Variants in NOLC1 observed in about 807,000 individuals in gnomAD.
NOLC1 encodes the protein nucleolar and coiled-body phosphoprotein 1, also known as 140 kDa nucleolar phosphoprotein.
In NOLC1, 37 loss-of-function variants were observed where a neutral mutation model predicts 73.4. That is an observed-to-expected ratio of 0.50 (90% CI 0.39 to 0.66). The LOEUF (loss-of-function observed/expected upper bound fraction) is 0.66. Ranked by LOEUF, NOLC1 falls within the 30% of genes least tolerant of loss-of-function variation. The pLI is 0.00. For missense variants in NOLC1, 921 were observed against 838.9 expected (o/e 1.10, Z -1.21); for synonymous variants, 327 against 302.6 (o/e 1.08, Z -0.84).
rs2069744698 is a variant in NOLC1, at chr10:102,163,367, T to C, written c.*1098T>C. The C allele has an allele frequency of 6.6e-6, 1 of 152,346 alleles. No homozygotes were observed. Among genetic ancestry groups the C allele is most frequent in the East Asian group, 1.9e-4 (1 of 5,194 alleles). 9.4% of individuals were successfully genotyped at this position (152,346 alleles called of 1,614,324 possible). A position where few individuals can be genotyped will look rare whatever the true frequency, so the allele number is the denominator to read the frequency against. ...GTTGGAAAGAACCTTACAGAGCATA[T>C]TACCTGATAAACTGGAGTGGGTTTG... is the stretch of plus-strand genomic sequence containing the variant. On this transcript the variant is annotated 3_prime_UTR_variant, in exon 13 of 13. Coordinates refer to ENST00000605788, the MANE Select transcript of NOLC1 (RefSeq NM_004741.5).
intron 1 of NOLC1, among the ~76,000 whole-genome samples, chr10:102,153,859 G>A (rs1236822123): frequency 6.6e-6 from 1 of 151,824 alleles, no homozygotes; most frequent in African/African-American, 2.4e-5. Context: ...TTTTAGTAGA[G>A]ATGAGGTTTC....
chr10:102,159,390 G>A, intron 6 of NOLC1, 43 bp from the exon 7 acceptor site: 1 of 1,613,636 alleles, frequency 6.2e-7, no homozygotes, highest in Admixed American at 1.7e-5. Context: ...GGATTGGTTG[G>A]GTCAGCATTT....
At position 102,160,616 on chromosome 10, in the gene NOLC1, G is replaced by T; in HGVS notation, c.1264G>T (p.Asp422Tyr). The part of the protein sequence containing the change: ...GGQKLLTRKA[D>Y]SSSSEEESSS... ...CCAGAAGCTTCTGACGAGAAAGGCT[G>T]ACAGCAGCTCCAGTGAGGAAGAGAG... Residue 422 changes from aspartate (D) to tyrosine (Y), a missense_variant, in exon 10 of 13, where the codon GAC becomes TAC. Transcript: ENST00000605788. 1 of 1,614,230 alleles carries T rather than the reference G, an allele frequency of 6.2e-7. No individual in the cohort carries two copies. The highest frequency in any genetic ancestry group is 8.5e-7 in the Non-Finnish European group (1 of 1,180,040).
chr10:102,157,502 G>A lies in NOLC1; in HGVS notation c.388G>A (p.Glu130Lys). Reference sequence around the variant, plus strand: ...CAAAGCATCAGAGAGTAGCAGCAGTGAAGAGTCCAGTGATGATGATGATGA... The same window carrying A: ...CAAAGCATCAGAGAGTAGCAGCAGTAAAGAGTCCAGTGATGATGATGATGA... The part of the protein sequence containing the change: ...AAKASESSSS[E>K]ESSDDDDEED... The change falls in exon 4 of 13, where the codon GAA becomes AAA. Residue 130 changes from glutamate (E) to lysine (K), a missense_variant. Glu to Lys is a moderately conservative substitution (Grantham distance 56). Transcript: ENST00000605788. 1.2e-6 allele frequency: 2 copies of A among 1,614,170 alleles called. No individual in the cohort carries two copies. The highest frequency in any genetic ancestry group is 2.2e-5 in the East Asian group (1 of 44,888).
chr10:102,156,555 A>G (rs999648668), intron 1 of NOLC1, among the ~76,000 whole-genome samples: 1 of 151,726 alleles, frequency 6.6e-6, no homozygotes, highest in Non-Finnish European at 1.5e-5. Flanking sequence ...CTCCTGCTTC[A>G]GCCTCCCAAG....
Position 102,160,615 on chromosome 10 carries a change from TG to T in NOLC1, c.1264del (p.Asp422ThrfsTer76). 6.2e-7 allele frequency: 1 copy of T among 1,614,158 alleles called. No homozygotes were observed. The stretch of plus-strand genomic sequence containing the variant: ...GCCAGAAGCTTCTGACGAGAAAGGC[TG>T]ACAGCAGCTCCAGTGAGGAAGAGAG... ...GGQKLLTRKA[D>X]SSSSEEESSS... On this transcript the variant is annotated frameshift_variant, in exon 10 of 13. Transcript: ENST00000605788. LOFTEE classifies it high-confidence loss of function.
At chr10:102,155,318 A>G (rs1462351543) in intron 1 of NOLC1, among the ~76,000 whole-genome samples, 2 of 151,478 alleles carry the variant, frequency 1.3e-5, no homozygotes, top group Non-Finnish European at 2.9e-5. Context: ...TAGCCACCAC[A>G]GGCCAAGCAA....
Position 102,160,536 on chromosome 10 carries a change from C to G in NOLC1, c.1184C>G (p.Thr395Ser). 1 of 1,614,196 alleles carries G rather than the reference C, an allele frequency of 6.2e-7. No homozygotes were observed. The highest frequency in any genetic ancestry group is 8.5e-7 in the Non-Finnish European group (1 of 1,180,036). ...KNSSNKPAVTTKSPAVKPAAA... is the reference protein window; with the variant it reads ...KNSSNKPAVTSKSPAVKPAAA... ...TCTTCAAATAAGCCAGCTGTCACCA[C>G]CAAGTCACCTGCAGTGAAGCCAGCT... Residue 395 changes from threonine (T) to serine (S), a missense_variant, in exon 10 of 13, where the codon ACC (threonine) becomes AGC (serine). Physicochemically the swap from Thr to Ser is moderately conservative, Grantham distance 58. Coordinates refer to ENST00000605788, the MANE Select transcript of NOLC1 (RefSeq NM_004741.5).
intron 9 of NOLC1, 28 bp downstream of exon 9, chr10:102,160,371 G>C: frequency 6.2e-7 from 1 of 1,613,278 alleles, no homozygotes; most frequent in Non-Finnish European, 8.5e-7. Context: ...CCTCAGTTCA[G>C]TGAGATGCTC....
In NOLC1 at chr10:102,162,399, C is replaced by CCTG; in HGVS notation, c.*130_*131insCTG. On this transcript the variant is annotated 3_prime_UTR_variant, in exon 13 of 13. Transcript: ENST00000605788. ...CAGAAGTTTAGAGTAGGTCCTAAGACTTTACAGTGTAACATCCTCTCTGGT... is the reference window on the plus strand; with the variant it reads ...CAGAAGTTTAGAGTAGGTCCTAAGACCTGTTTACAGTGTAACATCCTCTCTGGT... The CCTG allele has an allele frequency of 1.1e-6, 1 of 913,948 alleles. No homozygotes were observed. Among genetic ancestry groups the CCTG allele is most frequent in the South Asian group, 1.7e-5 (1 of 57,974 alleles). The allele number at this position is 913,948 out of a possible 1,614,324, so 56.6% of individuals were successfully genotyped here.
chr10:102,160,963 C>T lies in NOLC1; in HGVS notation c.1611C>T (p.Gly537=), dbSNP rs895681144. 4 of 1,614,124 alleles carry T rather than the reference C, an allele frequency of 2.5e-6. No individual in the cohort carries two copies. The highest frequency in any genetic ancestry group is 3.4e-6 in the Non-Finnish European group (4 of 1,180,018). Residue 537 remains glycine (G), a synonymous_variant, in exon 10 of 13, where the codon GGC becomes GGT. Coordinates refer to ENST00000605788, the MANE Select transcript of NOLC1 (RefSeq NM_004741.5). ...EEEEEKLKGK[G]SPRPQAPKAN... ...AGGAAGAGAAGCTCAAGGGCAAGGG[C>T]TCTCCAAGACCACAAGCCCCCAAGG...
At position 102,163,599 on chromosome 10, in the gene NOLC1, G is replaced by C. The variant is rs936236636; in HGVS notation, c.*1330G>C. 6.6e-6 allele frequency: 1 copy of C among 152,216 alleles called. No homozygotes were observed. The highest frequency in any genetic ancestry group is 1.5e-5 in the Non-Finnish European group (1 of 68,042). 9.4% of individuals were successfully genotyped at this position (152,216 alleles called of 1,614,324 possible). A position where few individuals can be genotyped will look rare whatever the true frequency, so the allele number is the denominator to read the frequency against. ...AGCGGTACTCAGCCAGACCAAGACG[G>C]AGAGGGAAGAGTCCACAGCTTTCTG... On this transcript the variant is annotated 3_prime_UTR_variant, in exon 13 of 13. Transcript: ENST00000605788.
At chr10:102,160,098 C>T in intron 8 of NOLC1, 74 bp downstream of exon 8, 2 of 1,588,164 alleles carry the variant, frequency 1.3e-6, no homozygotes, top group Non-Finnish European at 8.6e-7. Context: ...AGAGAGAAAG[C>T]CTTCCATCCT....
chr10:102,159,095 TG>T (rs2069652653), intron 5 of NOLC1, 97 bp from the exon 6 acceptor site: 4 of 484,840 alleles, frequency 8.3e-6, no homozygotes, highest in Non-Finnish European at 9.3e-6. Context: ...AAAAAAAAAA[TG>T]GTGGACTCCT....
Position 102,160,983 on chromosome 10 carries a change from C to T in NOLC1, c.1631C>T (p.Pro544Leu). ...AAGGGCTCTCCAAGACCACAAGCCCCCAAGGCCAATGGCACCTCTGCACTG... is the reference window on the plus strand; with the variant it reads ...AAGGGCTCTCCAAGACCACAAGCCCTCAAGGCCAATGGCACCTCTGCACTG... ...KGKGSPRPQA[P>L]KANGTSALTA... Residue 544 changes from proline to leucine, a missense_variant, in exon 10 of 13, where the codon CCC becomes CTC. Coordinates refer to ENST00000605788, the MANE Select transcript of NOLC1 (RefSeq NM_004741.5). The T allele has an allele frequency of 6.2e-7, 1 of 1,614,144 alleles. No homozygotes were observed. Among genetic ancestry groups the T allele is most frequent in the African/African-American group, 1.3e-5 (1 of 75,026 alleles).
At position 102,159,553 on chromosome 10, in the gene NOLC1, A is replaced by G. The variant is rs1359476104; in HGVS notation, c.844A>G (p.Met282Val). The G allele has an allele frequency of 2.5e-6, 4 of 1,613,998 alleles. No homozygotes were observed. The highest frequency in any genetic ancestry group is 2.2e-5 in the East Asian group (1 of 44,904). The change falls in exon 7 of 13, where the codon ATG becomes GTG. Residue 282 changes from methionine (M) to valine (V), a missense_variant. By Grantham distance (21) the Met-to-Val change is conservative. Coordinates refer to ENST00000605788, the MANE Select transcript of NOLC1 (RefSeq NM_004741.5). Reference sequence around the variant, plus strand: ...CGAGGAAGAGGAGCAAAAAAAACCCATGAAAAATAAACCAGGTGACTGGAC... The same window carrying G: ...CGAGGAAGAGGAGCAAAAAAAACCCGTGAAAAATAAACCAGGTGACTGGAC... ...SDEEEEQKKPMKNKPGPYSSV... is the reference protein window; with the variant it reads ...SDEEEEQKKPVKNKPGPYSSV...
In NOLC1 at chr10:102,162,361, G is replaced by T. The variant is rs1447420345; in HGVS notation, c.*92G>T. 2.9e-5 allele frequency: 40 copies of T among 1,388,740 alleles called. No individual in the cohort carries two copies. The highest frequency in any genetic ancestry group is 4.0e-5 in the Non-Finnish European group (40 of 1,006,752). 86.0% of individuals were successfully genotyped at this position (1,388,740 alleles called of 1,614,324 possible). A position where few individuals can be genotyped will look rare whatever the true frequency, so the allele number is the denominator to read the frequency against. On this transcript the variant is annotated 3_prime_UTR_variant, in exon 13 of 13. Coordinates refer to ENST00000605788, the MANE Select transcript of NOLC1 (RefSeq NM_004741.5). ...GGAACCCTCAGGTCTCTAGGTGAGG[G>T]TCTTGATGAGGACAGAAGTTTAGAG...
rs1417610526 is a variant in NOLC1, at chr10:102,159,245, C to CAGT, written c.662_663insTAG (p.Ser227dup). 1.0e-5 allele frequency: 16 copies of CAGT among 1,603,808 alleles called. No homozygotes were observed. The highest frequency in any genetic ancestry group is 1.3e-5 in the Non-Finnish European group (15 of 1,172,268). ...GTAAAGCAGCCAGTAGCAGCAGTAG[C>CAGT]AGCAGCAGCAGCAGTAGCAGTGATG... On this transcript the variant is annotated inframe_insertion, in exon 6 of 13. Coordinates refer to ENST00000605788, the MANE Select transcript of NOLC1 (RefSeq NM_004741.5).
intron 1 of NOLC1, among the ~76,000 whole-genome samples, chr10:102,155,272 G>A (rs532773412): frequency 2.0e-5 from 3 of 151,302 alleles, no homozygotes; most frequent in East Asian, 2.0e-4. Flanking sequence ...TGATCCACCC[G>A]CCTCAGCCTC....
Sources: allele counts gnomAD v4.1 joint callset (sites outside exome capture counted in the v4.1 genomes callset), GRCh38; gene constraint gnomAD v4.1.1; transcripts MANE v1.5; gene names NCBI Gene and HGNC (gene_info 2026-07-23, HGNC 2026-07-21).